Variants in ADCY1 observed in about 807,000 individuals in gnomAD.
ADCY1 encodes adenylate cyclase type 1.
A neutral mutation model predicts 105.4 loss-of-function variants in ADCY1; 28 were observed. That is an observed-to-expected ratio of 0.27 (90% CI 0.20 to 0.36). The LOEUF (loss-of-function observed/expected upper bound fraction) is 0.36, where lower values mean the gene tolerates loss of function less well. Among genes scored for constraint, ADCY1 ranks in the 10% least tolerant of loss-of-function variants. The pLI is 1.00. For missense variants in ADCY1, 977 were observed against 1,434.2 expected, an observed-to-expected ratio of 0.68 and a Z score of 5.15; for synonymous variants, 655 against 623.8, an observed-to-expected ratio of 1.05 and a Z score of -0.75.
At chr7:45,681,760 G>A (rs1360820000) in intron 11 of ADCY1, among the ~76,000 whole-genome samples, 1 of 152,216 alleles carries the variant, frequency 6.6e-6, no homozygotes, top group Non-Finnish European at 1.5e-5. Context: ...GGTGAGGGAG[G>A]TTTGCAGGAA....
chr7:45,705,669 A>C (rs1461201528), intron 17 of ADCY1, among the ~76,000 whole-genome samples: 3 of 152,228 alleles, frequency 2.0e-5, no homozygotes, highest in Admixed American at 6.5e-5. Context: ...CATGGCGAGA[A>C]TATCCTCTCT....
At chr7:45,660,557 T>A (rs925014637) in intron 7 of ADCY1, among the ~76,000 whole-genome samples, 2 of 152,220 alleles carry the variant, frequency 1.3e-5, no homozygotes, top group African/African-American at 2.4e-5. Flanking sequence ...AGGTGGGCTG[T>A]TACCGTCTTA....
rs1287778015 is a variant in ADCY1 at position 45,713,895 on chromosome 7, C to T, written c.3260C>T (p.Pro1087Leu). ...FGRAGLQGRR[P>L]PVCPMPGVSV... ...AGAGCTGGCCTTCAGGGCAGACGTC[C>T]CCCCGTGTGCCCCATGCCTGGCGTC... The change falls in exon 20 of 20, where the codon CCC becomes CTC. Residue 1087 changes from proline (P) to leucine (L), a missense_variant. Physicochemically the swap from Pro to Leu is moderately conservative, Grantham distance 98 (BLOSUM62 -3). This residue lies in a region of ADCY1 where 78 missense variants were observed against 60.0 expected (regional missense o/e 1.30). Transcript: ENST00000297323. The T allele has an allele frequency of 2.6e-6, 2 of 780,654 alleles. No homozygotes were observed. The highest frequency in any genetic ancestry group is 1.3e-5 in the South Asian group (1 of 74,630). The allele number at this position is 780,654 out of a possible 1,614,324, so 48.4% of individuals were successfully genotyped here.
Position 45,686,456 on chromosome 7 carries a change from G to T in ADCY1, c.2328-91G>T. The T allele has an allele frequency of 6.6e-7, 1 of 1,521,434 alleles. No homozygotes were observed. Among genetic ancestry groups the T allele is most frequent in the East Asian group, 2.3e-5 (1 of 44,014 alleles). The allele number at this position is 1,521,434 out of a possible 1,614,324, so 94.2% of individuals were successfully genotyped here. On this transcript the variant is annotated intron_variant, in intron 13 of 19. Transcript: ENST00000297323. The surrounding 1 kb of genome is among the most constrained non-coding windows in gnomAD (Gnocchi z 4.3). ...GCTGTTTTTGGGTGTCACCACCTGA[G>T]GGTCACTCTGAACAGTTCTTGGGTT... is the stretch of plus-strand genomic sequence containing the variant.
intron 3 of ADCY1, among the ~76,000 whole-genome samples, chr7:45,616,262 A>G (rs1349500264): frequency 6.6e-6 from 1 of 152,244 alleles, no homozygotes; most frequent in African/African-American, 2.4e-5. Flanking sequence ...TAAAGAATTA[A>G]TGGCAGTCCT....
At position 45,619,674 on chromosome 7, in the gene ADCY1, A is replaced by G. The variant is rs545037294; in HGVS notation, c.909-2958A>G. On this transcript the variant is annotated intron_variant, in intron 3 of 19. Transcript: ENST00000297323. ...CATGATCTCATTTGTATGTGGAAGTAAAATAGTCAAATTCATAGCAGCAAA... is the reference window on the plus strand; with the variant it reads ...CATGATCTCATTTGTATGTGGAAGTGAAATAGTCAAATTCATAGCAGCAAA... Among the ~76,000 whole-genome samples the G allele has an allele frequency of 7.2e-5, 11 of 152,326 alleles. No individual in the cohort carries two copies. In the South Asian group the frequency reaches 1.9e-3, roughly 26 times the overall value.
At chr7:45,626,124 T>A (rs1794055999) in intron 4 of ADCY1, among the ~76,000 whole-genome samples, 1 of 152,220 alleles carries the variant, frequency 6.6e-6, no homozygotes, top group African/African-American at 2.4e-5. Context: ...TTTCAGGCTC[T>A]GTGGGTTACG....
rs1054295162 is a variant in ADCY1, at chr7:45,717,512, T to G, written c.*3517T>G. 2 of 152,554 alleles carry G rather than the reference T, an allele frequency of 1.3e-5. No homozygotes were observed. Among genetic ancestry groups the G allele is most frequent in the Non-Finnish European group, 2.9e-5 (2 of 68,046 alleles). 9.5% of individuals were successfully genotyped at this position (152,554 alleles called of 1,614,324 possible). Reference sequence around the variant, plus strand: ...GTAGGATTCTCTCTAAATTATTTATTGAAGAGGCTTTGTAAATAGTGCACC... The same window carrying G: ...GTAGGATTCTCTCTAAATTATTTATGGAAGAGGCTTTGTAAATAGTGCACC... On this transcript the variant is annotated 3_prime_UTR_variant, in exon 20 of 20. Coordinates refer to ENST00000297323, the MANE Select transcript of ADCY1 (RefSeq NM_021116.4).
At position 45,574,862 on chromosome 7, in the gene ADCY1, G is replaced by T. The variant is rs200378809; in HGVS notation, c.319G>T (p.Val107Leu). ...VHCVLFLALL[V>L]VTNVRSLQVP... ...CTGCGTCCTCTTCCTGGCGCTGCTC[G>T]TGGTAACCAACGTCCGGTCCCTGCA... The change falls in exon 1 of 20, where the codon GTG becomes TTG. Residue 107 changes from valine (V) to leucine (L), a missense_variant. Physicochemically the swap from Val to Leu is conservative, Grantham distance 32. Around this residue, in one of 7 missense-constraint regions of ADCY1, gnomAD observed 209 missense variants for 222.5 expected, o/e 0.94. Coordinates refer to ENST00000297323, the MANE Select transcript of ADCY1 (RefSeq NM_021116.4). This position sits in a 1 kb window ranked among gnomAD's most constrained non-coding sequence, Gnocchi z 7.0. The T allele has an allele frequency of 1.9e-6, 3 of 1,611,594 alleles. No individual in the cohort carries two copies. Among genetic ancestry groups the T allele is most frequent in the East Asian group, 4.5e-5 (2 of 44,808 alleles).
intron 8 of ADCY1, among the ~76,000 whole-genome samples, chr7:45,673,964 C>CATATATATATATATATAT (rs58025464): frequency 8.7e-6 from 1 of 115,158 alleles, no homozygotes; most frequent in Non-Finnish European, 1.7e-5. Context: ...TTCAGATGAG[C>CATATATATATATATATAT]ATATATATAT....
Position 45,686,038 on chromosome 7 carries a change from C to T in ADCY1, c.2150C>T (p.Thr717Ile). The change falls in exon 13 of 20, where the codon ACA becomes ATA. Residue 717 changes from threonine (T) to isoleucine (I), a missense_variant. By Grantham distance (89) the Thr-to-Ile change is moderately conservative. Coordinates refer to ENST00000297323, the MANE Select transcript of ADCY1 (RefSeq NM_021116.4). This position sits in a 1 kb window ranked among gnomAD's most constrained non-coding sequence, Gnocchi z 4.3. ...GTCCTTTCGTCTGGGGGCCAGCGCACAGCCCTGCCCACCCTGCCCTGCGAG... is the reference window on the plus strand; with the variant it reads ...GTCCTTTCGTCTGGGGGCCAGCGCATAGCCCTGCCCACCCTGCCCTGCGAG... ...LVVLSSGGQR[T>I]ALPTLPCEST... 6.2e-7 allele frequency: 1 copy of T among 1,612,428 alleles called. No homozygotes were observed. The highest frequency in any genetic ancestry group is 8.5e-7 in the Non-Finnish European group (1 of 1,179,532).
chr7:45,654,084 T>G (rs1239324377), intron 5 of ADCY1, among the ~76,000 whole-genome samples: 2 of 152,224 alleles, frequency 1.3e-5, no homozygotes, highest in African/African-American at 4.8e-5. Context: ...TGGGCCTGCA[T>G]GGACTGGGTT....
intron 2 of ADCY1, among the ~76,000 whole-genome samples, chr7:45,604,239 A>G (rs1260665746): frequency 2.0e-5 from 3 of 152,162 alleles, no homozygotes; most frequent in Non-Finnish European, 4.4e-5. Flanking sequence ...AGTTCTTTAT[A>G]TGTTCTAGAT....
chr7:45,624,083 CTT>C (rs1262935114), intron 4 of ADCY1, among the ~76,000 whole-genome samples: 1 of 152,166 alleles, frequency 6.6e-6, no homozygotes, highest in African/African-American at 2.4e-5. Context: ...AGTGAAGAGT[CTT>C]GAGGGAAAAT....
rs1459252175 is a variant in ADCY1 at position 45,644,870 on chromosome 7, A to G, written c.1021-3800A>G. 2.6e-5 allele frequency among the ~76,000 whole-genome samples: 4 copies of G among 152,320 alleles called. No individual in the cohort carries two copies. The East Asian group carries it at 7.7e-4, about 29-fold the overall frequency. On this transcript the variant is annotated intron_variant, in intron 4 of 19. Transcript: ENST00000297323. ...GAGATTAAAGACAAAATAAAGCAAT[A>G]TATTCAACATTTGTCCTAAGCTGTC...
chr7:45,604,980 G>T (rs1207177281), intron 2 of ADCY1, among the ~76,000 whole-genome samples: 1 of 152,064 alleles, frequency 6.6e-6, no homozygotes, highest in Non-Finnish European at 1.5e-5. Flanking sequence ...CATTTATTTA[G>T]ATCTTCTCTG....
intron 4 of ADCY1, 47 bp from the exon 5 acceptor site, chr7:45,648,623 G>A: frequency 6.2e-7 from 1 of 1,611,138 alleles, no homozygotes; most frequent in African/African-American, 1.3e-5. Context: ...GGCGCTCACA[G>A]CCTCTGTAGC....
chr7:45,622,517 A>G, intron 3 of ADCY1, 115 bp from the exon 4 acceptor site: 1 of 745,000 alleles, frequency 1.3e-6, no homozygotes. Context: ...GCATTGAGGA[A>G]TAAATGGGGT....
At chr7:45,593,161 G>A (rs552889695) in intron 2 of ADCY1, among the ~76,000 whole-genome samples, 4 of 152,280 alleles carry the variant, frequency 2.6e-5, no homozygotes, top group South Asian at 4.1e-4. Context: ...TTGGGCGCAC[G>A]GACTTCCGGT....
Sources: gnomAD v4.1 joint callset for allele counts (sites outside exome capture counted in the v4.1 genomes callset) on GRCh38, gnomAD v4.1.1 for gene constraint, gnomAD v4.1.1 regional missense constraint, Gnocchi (gnomAD v3.1) non-coding constraint, MANE v1.5 for transcripts, NCBI Gene and HGNC (gene_info 2026-07-23, HGNC 2026-07-21) for gene names.